PDE1A: variants seen among roughly 807,000 people sequenced by gnomAD.
PDE1A encodes phosphodiesterase 1A, also known as dual specificity calcium/calmodulin-dependent 3',5'-cyclic nucleotide phosphodiesterase 1A.
In PDE1A, 35 loss-of-function variants were observed where a neutral mutation model predicts 61.7. That is an observed-to-expected ratio of 0.57 (90% confidence interval 0.43 to 0.75). The LOEUF (loss-of-function observed/expected upper bound fraction) is 0.75. Among genes scored for constraint, PDE1A ranks in the 30% least tolerant of loss-of-function variants. The probability of loss-of-function intolerance (pLI) is 0.00; values close to 1 mark genes in which losing one functional copy is unlikely to be tolerated. For missense variants in PDE1A, 597 were observed against 630.6 expected (o/e 0.95, Z 0.57); for synonymous variants, 232 against 213.2 (o/e 1.09, Z -0.77).
the PDE1A span, among the ~76,000 whole-genome samples, chr2:182,554,236 T>C: frequency 2.6e-5 from 4 of 152,236 alleles, no homozygotes; most frequent in Non-Finnish European, 5.9e-5. Flanking sequence ...CCAAATTTTC[T>C]AAACTATTTC....
intron 3 of PDE1A, among the ~76,000 whole-genome samples, chr2:182,236,805 T>C (rs1681737107): frequency 6.6e-6 from 1 of 152,200 alleles, no homozygotes; most frequent in Admixed American, 6.5e-5. Context: ...AAACTTGGGA[T>C]AGGTTGAGAA....
chr2:182,498,812 C>T (rs1221171151), intron 2 of PDE1A, among the ~76,000 whole-genome samples: 41 of 152,002 alleles, frequency 2.7e-4, no homozygotes. Context: ...GACGCGGTGG[C>T]GGGCGCCTGT....
chr2:182,374,195 T>A (rs1432816561), intron 1 of PDE1A, among the ~76,000 whole-genome samples: 1 of 152,120 alleles, frequency 6.6e-6, no homozygotes, highest in Non-Finnish European at 1.5e-5. Context: ...TGTACATTCA[T>A]GGGTCAAATC....
intron 13 of PDE1A, among the ~76,000 whole-genome samples, chr2:182,171,441 T>A (rs956733567): frequency 4.0e-5 from 6 of 151,838 alleles, no homozygotes; most frequent in African/African-American, 1.2e-4. Context: ...AATCTTTTGA[T>A]CAGAACTAAA....
chr2:182,247,432 G>T (rs1276972801), intron 2 of PDE1A, among the ~76,000 whole-genome samples: 1 of 152,154 alleles, frequency 6.6e-6, no homozygotes, highest in Non-Finnish European at 1.5e-5. Context: ...AGAGAAGAAA[G>T]TTGAAAAACA....
chr2:182,683,095 C>CT, the PDE1A span, among the ~76,000 whole-genome samples: 1,649 of 137,834 alleles, frequency 0.012, 10 homozygotes, highest in African/African-American at 0.02. Flanking sequence ...TTTTTCTTTT[C>CT]TTTTTTTTTT....
At chr2:182,693,637 C>CA in the PDE1A span, among the ~76,000 whole-genome samples, 1 of 123,428 alleles carries the variant, frequency 8.1e-6, no homozygotes, top group African/African-American at 3.0e-5. Context: ...TGATAGTGTT[C>CA]TTTTTTTTTT....
At chr2:182,346,061 C>A (rs1267066607) in intron 1 of PDE1A, among the ~76,000 whole-genome samples, 1 of 152,050 alleles carries the variant, frequency 6.6e-6, no homozygotes, top group South Asian at 2.1e-4. Flanking sequence ...TATCATCAGG[C>A]TTTTAGATCT....
chr2:182,715,228 C>T, the PDE1A span, among the ~76,000 whole-genome samples: 1 of 152,138 alleles, frequency 6.6e-6, no homozygotes, highest in Non-Finnish European at 1.5e-5. Flanking sequence ...CCTCAGTTTC[C>T]TCAAATGGGA....
At chr2:182,352,938 T>C (rs903798699) in intron 1 of PDE1A, among the ~76,000 whole-genome samples, 4 of 152,192 alleles carry the variant, frequency 2.6e-5, no homozygotes. Flanking sequence ...CTCAAATATG[T>C]GAGACATACA....
chr2:182,181,292 A>T (rs1199468816), intron 13 of PDE1A, among the ~76,000 whole-genome samples: 2 of 151,854 alleles, frequency 1.3e-5, no homozygotes, highest in African/African-American at 4.8e-5. Context: ...TTTTTTGTTG[A>T]TGCTTTTGTT....
chr2:182,161,648 A>C (rs570664850), intron 13 of PDE1A, among the ~76,000 whole-genome samples: 45 of 152,114 alleles, frequency 3.0e-4, no homozygotes, highest in Non-Finnish European at 5.4e-4. Context: ...ACCTGTAACT[A>C]GACTGAAATC....
chr2:182,516,997 A>T (rs979044814), intron 2 of PDE1A, among the ~76,000 whole-genome samples: 7 of 152,144 alleles, frequency 4.6e-5, no homozygotes, highest in Non-Finnish European at 1.0e-4. Context: ...GAAGTAACAT[A>T]TCCTTTGGTT....
the PDE1A span, among the ~76,000 whole-genome samples, chr2:182,532,683 C>T: frequency 6.6e-6 from 1 of 152,092 alleles, no homozygotes. Context: ...ATTTGCCAGG[C>T]ACAGTGGCTC....
the PDE1A span, among the ~76,000 whole-genome samples, chr2:182,688,189 T>C: frequency 6.6e-6 from 1 of 152,126 alleles, no homozygotes; most frequent in Non-Finnish European, 1.5e-5. Flanking sequence ...GCAACAAAGA[T>C]ACTCCTTGAG....
At chr2:182,412,464 T>C (rs944010847) in intron 1 of PDE1A, among the ~76,000 whole-genome samples, 1 of 152,228 alleles carries the variant, frequency 6.6e-6, no homozygotes, top group Non-Finnish European at 1.5e-5. Context: ...TTATCCATAA[T>C]ATGGGGATAC....
chr2:182,330,963 T>TAA (rs921303026), intron 1 of PDE1A, among the ~76,000 whole-genome samples: 3 of 152,162 alleles, frequency 2.0e-5, no homozygotes, highest in Admixed American at 6.5e-5. Flanking sequence ...CTGGGAGCTG[T>TAA]AAGTGGCTAG....
At chr2:182,505,599 A>G (rs1689357343) in intron 2 of PDE1A, among the ~76,000 whole-genome samples, 1 of 152,188 alleles carries the variant, frequency 6.6e-6, no homozygotes, top group African/African-American at 2.4e-5. Flanking sequence ...GAGGGGCCTC[A>G]GCTGGAGTGG....
chr2:182,465,550 TA>T (rs1222170050), intron 2 of PDE1A, among the ~76,000 whole-genome samples: 1 of 152,150 alleles, frequency 6.6e-6, no homozygotes, highest in East Asian at 1.9e-4. Flanking sequence ...AGAAAGCATT[TA>T]TTTTCTTTAT....
Sources: allele counts gnomAD v4.1 joint callset (sites outside exome capture counted in the v4.1 genomes callset), GRCh38; gene constraint gnomAD v4.1.1; transcripts MANE v1.5; gene names NCBI Gene and HGNC (gene_info 2026-07-23, HGNC 2026-07-21).